The following TNKS2 variants were observed in gnomAD, a reference collection of about 807,000 sequenced individuals.
TNKS2 encodes tankyrase 2.
In TNKS2, 72 loss-of-function variants were observed where a neutral mutation model predicts 137.6. That is an observed-to-expected ratio of 0.52 (90% CI 0.43 to 0.64). TNKS2 has a LOEUF of 0.64. Among genes scored for constraint, TNKS2 ranks in the 30% least tolerant of loss-of-function variants. TNKS2 has a pLI of 0.00. For synonymous variants in TNKS2, 516 were observed against 512.1 expected, an observed-to-expected ratio of 1.01 and a Z score of -0.10; for missense variants, 1,049 against 1,410.2, an observed-to-expected ratio of 0.74 and a Z score of 4.10.
chr10:91,802,577 A>ATTG (rs1844203273), intron 1 of TNKS2, among the ~76,000 whole-genome samples: 1 of 152,364 alleles, frequency 6.6e-6, no homozygotes, highest in East Asian at 1.9e-4. Flanking sequence ...CACTAGTACA[A>ATTG]GAAAGTGGGA....
chr10:91,808,631 G>T lies in TNKS2; in HGVS notation c.200-4352G>T, dbSNP rs561832155. On this transcript the variant is annotated intron_variant, in intron 1 of 26. Transcript: ENST00000371627. ...GGTAATGTCAGTGGAAATAGAAGTT[G>T]GAAACGTGTTGAGTTTGAGATACCT... Among the ~76,000 whole-genome samples the T allele has an allele frequency of 1.1e-4, 16 of 152,216 alleles. No homozygotes were observed. The South Asian group carries it at 3.3e-3, about 32-fold the overall frequency.
At chr10:91,839,509 C>T (rs569773854) in intron 13 of TNKS2, among the ~76,000 whole-genome samples, 1 of 152,062 alleles carries the variant, frequency 6.6e-6, no homozygotes, top group African/African-American at 2.4e-5. Flanking sequence ...CCAGGATGGT[C>T]TCAAACTCCT....
intron 9 of TNKS2, among the ~76,000 whole-genome samples, chr10:91,830,277 G>A (rs1341119535): frequency 6.6e-6 from 1 of 152,150 alleles, no homozygotes; most frequent in Non-Finnish European, 1.5e-5. Context: ...GAGTGCAGTG[G>A]CATGATCTCA....
At chr10:91,839,982 G>A (rs1175946947) in intron 13 of TNKS2, among the ~76,000 whole-genome samples, 1 of 151,876 alleles carries the variant, frequency 6.6e-6, no homozygotes, top group Non-Finnish European at 1.5e-5. Flanking sequence ...TAGTTTACCT[G>A]TATATATATA....
intron 11 of TNKS2, 29 bp downstream of exon 11, chr10:91,831,210 A>T (rs749103608): frequency 6.3e-7 from 1 of 1,586,206 alleles, no homozygotes; most frequent in Admixed American, 1.7e-5. Flanking sequence ...AATCTTTGGT[A>T]ATCCAATGAG....
chr10:91,798,867 C>A lies in TNKS2; in HGVS notation c.177C>A (p.Ser59=). Residue 59 remains serine, a synonymous_variant, in exon 1 of 27, where the codon TCC becomes TCA. Transcript: ENST00000371627. ...GCCGCGACACGGCGGGCAGGAAATC[C>A]ACCCCGCTGCACTTCGCCGCAGGTA... is the stretch of plus-strand genomic sequence containing the variant. The part of the protein sequence containing the change: ...VNSRDTAGRK[S]TPLHFAAGFG... 7.3e-7 allele frequency: 1 copy of A among 1,361,784 alleles called. No homozygotes were observed. The highest frequency in any genetic ancestry group is 1.8e-5 in the South Asian group (1 of 54,956). The allele number at this position is 1,361,784 out of a possible 1,614,324, so 84.4% of individuals were successfully genotyped here.
Position 91,845,824 on chromosome 10 carries a change from C to G in TNKS2, c.2242C>G (p.Pro748Ala). Residue 748 changes from proline (P) to alanine (A), a missense_variant, in exon 18 of 27, where the codon CCT becomes GCT. Transcript: ENST00000371627. ...TGCCACGGACAAATGGGCTTTCACA[C>G]CTTTGCACGAAGCAGCCCAAAAGGG... is the stretch of plus-strand genomic sequence containing the variant. ...VNATDKWAFT[P>A]LHEAAQKGRT... 6.2e-7 allele frequency: 1 copy of G among 1,609,208 alleles called. No individual in the cohort carries two copies. Among genetic ancestry groups the G allele is most frequent in the Non-Finnish European group, 8.5e-7 (1 of 1,176,296 alleles).
At position 91,845,754 on chromosome 10, in the gene TNKS2, T is replaced by C. The variant is rs1323049090; in HGVS notation, c.2172T>C (p.His724=). 2.0e-6 allele frequency: 3 copies of C among 1,524,754 alleles called. No individual in the cohort carries two copies. Among genetic ancestry groups the C allele is most frequent in the South Asian group, 2.5e-5 (2 of 78,516 alleles). The allele number at this position is 1,524,754 out of a possible 1,614,324, so 94.5% of individuals were successfully genotyped here. ...IPLHNAASYG[H]VDVAALLIKY... ...GTAACGGGTATTTTCTTTTACAGCA[T>C]GTAGATGTAGCAGCTCTACTAATAA... The change falls in exon 18 of 27, where the codon CAT becomes CAC. Residue 724 remains histidine (H), a splice_region_variant and synonymous_variant. Coordinates refer to ENST00000371627, the MANE Select transcript of TNKS2 (RefSeq NM_025235.4).
At chr10:91,832,242 TTG>T (rs1231642865) in intron 11 of TNKS2, among the ~76,000 whole-genome samples, 4 of 152,200 alleles carry the variant, frequency 2.6e-5, no homozygotes, top group Admixed American at 2.0e-4. Context: ...TGTTTGTTGA[TTG>T]CTGTTTTCAT....
At chr10:91,842,964 T>C (rs1296081928) in intron 16 of TNKS2, among the ~76,000 whole-genome samples, 1 of 152,166 alleles carries the variant, frequency 6.6e-6, no homozygotes. Flanking sequence ...GAATCATTAT[T>C]CCAGGTAATC....
At chr10:91,835,055 G>C (rs1016207940) in intron 12 of TNKS2, among the ~76,000 whole-genome samples, 8 of 152,116 alleles carry the variant, frequency 5.3e-5, no homozygotes, top group Admixed American at 2.6e-4. Flanking sequence ...CCTGTTTTCT[G>C]TCAGCACTAG....
At chr10:91,811,261 G>T (rs141864079) in intron 1 of TNKS2, among the ~76,000 whole-genome samples, 2 of 151,492 alleles carry the variant, frequency 1.3e-5, no homozygotes, top group Non-Finnish European at 2.9e-5. Context: ...GTCTGTGTAC[G>T]TTTTGTTTCT....
Position 91,845,018 on chromosome 10 carries a change from C to T in TNKS2, c.2159C>T (p.Ala720Val), listed in dbSNP as rs773687895. ...KGGLIPLHNAASYGHVDVAAL... is the reference protein window; with the variant it reads ...KGGLIPLHNAVSYGHVDVAAL... ...GGACTTATTCCTTTACATAATGCAG[C>T]ATCTTACGGGGTAAGTTCTTCCGTG... is the stretch of plus-strand genomic sequence containing the variant. The change falls in exon 17 of 27, where the codon GCA (alanine) becomes GTA (valine). Residue 720 changes from alanine (A) to valine (V), a missense_variant. Coordinates refer to ENST00000371627, the MANE Select transcript of TNKS2 (RefSeq NM_025235.4). 8 of 1,608,418 alleles carry T rather than the reference C, an allele frequency of 5.0e-6. No individual in the cohort carries two copies. Among genetic ancestry groups the T allele is most frequent in the Non-Finnish European group, 6.8e-6 (8 of 1,175,932 alleles).
At position 91,827,162 on chromosome 10, in the gene TNKS2, T is replaced by A. The variant is rs1342939782; in HGVS notation, c.941T>A (p.Ile314Lys). The A allele has an allele frequency of 6.3e-7, 1 of 1,590,202 alleles. No homozygotes were observed. Among genetic ancestry groups the A allele is most frequent in the Non-Finnish European group, 8.6e-7 (1 of 1,167,570 alleles). Reference sequence around the variant, plus strand: ...CTCAATTGTCACAATAAAAGTGCTATAGACTTGGCTCCCACACCACAGTTA... The same window carrying A: ...CTCAATTGTCACAATAAAAGTGCTAAAGACTTGGCTCCCACACCACAGTTA... ...TLLNCHNKSA[I>K]DLAPTPQLKE... Residue 314 changes from isoleucine (I) to lysine (K), a missense_variant, in exon 8 of 27, where the codon ATA becomes AAA. Coordinates refer to ENST00000371627, the MANE Select transcript of TNKS2 (RefSeq NM_025235.4).
intron 13 of TNKS2, 54 bp from the exon 14 acceptor site, chr10:91,840,507 A>G: frequency 6.6e-7 from 1 of 1,513,150 alleles, no homozygotes; most frequent in Non-Finnish European, 9.0e-7. Context: ...GACTTGAAAC[A>G]AGAAATAACA....
At chr10:91,834,958 G>A (rs1032676443) in intron 12 of TNKS2, among the ~76,000 whole-genome samples, 4 of 152,106 alleles carry the variant, frequency 2.6e-5, no homozygotes, top group African/African-American at 9.7e-5. Flanking sequence ...GAATTTCCAG[G>A]TCAAAGGGTA....
intron 12 of TNKS2, chr10:91,836,521 T>C: frequency 1.9e-6 from 1 of 535,530 alleles, no homozygotes; most frequent in Non-Finnish European, 2.4e-6. Context: ...GAAGTTCCAG[T>C]GACTTGTTCC....
chr10:91,812,020 A>T (rs1386054011), intron 1 of TNKS2, among the ~76,000 whole-genome samples: 1 of 151,050 alleles, frequency 6.6e-6, no homozygotes, highest in Non-Finnish European at 1.5e-5. Context: ...AGATCGTGCC[A>T]CGCACTCCAG....
chr10:91,825,351 C>T (rs1252751726), intron 7 of TNKS2, among the ~76,000 whole-genome samples: 1 of 152,166 alleles, frequency 6.6e-6, no homozygotes, highest in East Asian at 1.9e-4. Flanking sequence ...GATCCACCCA[C>T]CTCAGCCTCC....
Sources: allele counts gnomAD v4.1 joint callset (sites outside exome capture counted in the v4.1 genomes callset), GRCh38; gene constraint gnomAD v4.1.1; transcripts MANE v1.5; gene names NCBI Gene and HGNC (gene_info 2026-07-23, HGNC 2026-07-21).